The following POLR3H variants were observed in gnomAD, a reference collection of about 807,000 sequenced individuals.
POLR3H encodes the protein DNA-directed RNA polymerase III subunit RPC8.
In POLR3H, 17 loss-of-function variants were observed where a neutral mutation model predicts 25.5. That is an observed-to-expected ratio of 0.67 (90% CI 0.46 to 1.00). The LOEUF is 1.00. Among genes scored for constraint, POLR3H ranks in the 50% least tolerant of loss-of-function variants. POLR3H has a pLI of 0.00. For synonymous variants in POLR3H, 129 were observed against 103.0 expected, an observed-to-expected ratio of 1.25 and a Z score of -1.53; for missense variants, 274 against 265.0, an observed-to-expected ratio of 1.03 and a Z score of -0.24.
chr22:41,533,489 C>T, intron 2 of POLR3H: 15 of 1,198,630 alleles, frequency 1.3e-5, no homozygotes, highest in Non-Finnish European at 1.6e-5. Flanking sequence ...AGCCACATAG[C>T]CATGGGGAGA....
chr22:41,543,216 C>T (rs2066958786), intron 1 of POLR3H, among the ~76,000 whole-genome samples: 1 of 152,164 alleles, frequency 6.6e-6, no homozygotes, highest in South Asian at 2.1e-4. Flanking sequence ...GACCTCTCAG[C>T]TGGTACTAAG....
At chr22:41,533,555 T>A (rs1244888419) in intron 2 of POLR3H, 2 of 1,268,234 alleles carry the variant, frequency 1.6e-6, no homozygotes, top group East Asian at 1.1e-4. Flanking sequence ...CTTGCCTTCC[T>A]CAGACAGGTT....
In POLR3H at chr22:41,526,637, G is replaced by A; in HGVS notation, c.*2646C>T. The A allele has an allele frequency of 3.4e-6, 2 of 581,492 alleles. No homozygotes were observed. Among genetic ancestry groups the A allele is most frequent in the Non-Finnish European group, 5.8e-6 (2 of 345,166 alleles). 36.0% of individuals were successfully genotyped at this position (581,492 alleles called of 1,614,324 possible). On this transcript the variant is annotated 3_prime_UTR_variant, in exon 6 of 6. Coordinates refer to ENST00000355209, the MANE Select transcript of POLR3H (RefSeq NM_001018050.4). ...TGTGGCTGAGAAGGCATGAGGCCCA[G>A]GTCCGGTGGTACAGCCGGGTCCCTG...
chr22:41,543,567 G>A (rs1007575466), intron 1 of POLR3H, among the ~76,000 whole-genome samples: 7 of 152,146 alleles, frequency 4.6e-5, no homozygotes, highest in Non-Finnish European at 2.9e-5. Context: ...GTTGCAGTGA[G>A]CCGAGATCGC....
At position 41,528,943 on chromosome 22, in the gene POLR3H, G is replaced by C; in HGVS notation, c.*340C>G. 1 of 510,376 alleles carries C rather than the reference G, an allele frequency of 2.0e-6. No individual in the cohort carries two copies. The highest frequency in any genetic ancestry group is 2.8e-5 in the South Asian group (1 of 36,082). 31.6% of individuals were successfully genotyped at this position (510,376 alleles called of 1,614,324 possible). A position where few individuals can be genotyped will look rare whatever the true frequency, so the allele number is the denominator to read the frequency against. On this transcript the variant is annotated 3_prime_UTR_variant, in exon 6 of 6. Coordinates refer to ENST00000355209, the MANE Select transcript of POLR3H (RefSeq NM_001018050.4). Reference sequence around the variant, plus strand: ...GCTGAAGGATTCTAGAGAACCTTTTGTTCTTGCAAGGAAAACAAGAATCCA... The same window carrying C: ...GCTGAAGGATTCTAGAGAACCTTTTCTTCTTGCAAGGAAAACAAGAATCCA...
chr22:41,530,956 G>A (rs922704798), intron 4 of POLR3H, 68 bp from the exon 5 acceptor site: 20 of 1,484,200 alleles, frequency 1.3e-5, no homozygotes, highest in Admixed American at 1.7e-5. Flanking sequence ...CCCACTCCCC[G>A]ACCCCGCAGG....
chr22:41,527,191 CCCAGG>C lies in POLR3H; in HGVS notation c.*2087_*2091del. On this transcript the variant is annotated 3_prime_UTR_variant, in exon 6 of 6. Coordinates refer to ENST00000355209, the MANE Select transcript of POLR3H (RefSeq NM_001018050.4). ...CCCCTTTACCGGGAGCCTCAGGATG[CCCAGG>C]CGCCAGGTGGGTGAGGCCAGGCAGG... 6.3e-7 allele frequency: 1 copy of C among 1,584,376 alleles called. No homozygotes were observed. The highest frequency in any genetic ancestry group is 8.6e-7 in the Non-Finnish European group (1 of 1,160,022).
chr22:41,531,242 T>G (rs2066727240), intron 4 of POLR3H, among the ~76,000 whole-genome samples: 2 of 152,208 alleles, frequency 1.3e-5, no homozygotes, highest in Admixed American at 1.3e-4. Context: ...ACACACCCTT[T>G]TCATCAAAGC....
Position 41,544,142 on chromosome 22 carries a change from C to G in POLR3H, c.-41G>C, listed in dbSNP as rs780958301. Reference sequence around the variant, plus strand: ...GGGCTCTGGGAACAGGAGGGTCAGTCACGCACCAGGGCCGGGGGCAGGGAG... The same window carrying G: ...GGGCTCTGGGAACAGGAGGGTCAGTGACGCACCAGGGCCGGGGGCAGGGAG... On this transcript the variant is annotated 5_prime_UTR_variant, in exon 1 of 6. Transcript: ENST00000355209. 2.3e-6 allele frequency: 3 copies of G among 1,300,216 alleles called. No individual in the cohort carries two copies. The South Asian group carries it at 3.7e-5, about 16-fold the overall frequency. 80.5% of individuals were successfully genotyped at this position (1,300,216 alleles called of 1,614,324 possible). A position where few individuals can be genotyped will look rare whatever the true frequency, so the allele number is the denominator to read the frequency against.
rs371236141 is a variant in POLR3H, at chr22:41,532,122, G to C, written c.331C>G (p.Pro111Ala). The change falls in exon 4 of 6, where the codon CCA becomes GCA. Residue 111 changes from proline to alanine, a missense_variant. Coordinates refer to ENST00000355209, the MANE Select transcript of POLR3H (RefSeq NM_001018050.4). ...TTGGCTGGCTGCTGCAGTGACTCTG[G>C]GGGGATGAGAATGTCATCGAAGAAG... ...LGFFDDILIPPESLQQPAKFD... is the reference protein window; with the variant it reads ...LGFFDDILIPAESLQQPAKFD... 8.7e-6 allele frequency: 14 copies of C among 1,614,008 alleles called. No individual in the cohort carries two copies. Among genetic ancestry groups the C allele is most frequent in the Non-Finnish European group, 1.0e-5 (12 of 1,180,006 alleles).
intron 1 of POLR3H, among the ~76,000 whole-genome samples, chr22:41,541,728 C>T (rs750191627): frequency 2.0e-5 from 3 of 152,224 alleles, no homozygotes; most frequent in Non-Finnish European, 4.4e-5. Context: ...ACTTTCCACA[C>T]CTTCTCTCTC....
At chr22:41,531,801 C>T (rs203313) in intron 4 of POLR3H, among the ~76,000 whole-genome samples, 2,511 of 152,322 alleles carry the variant, frequency 0.016, 79 homozygotes, top group African/African-American at 0.056. Flanking sequence ...GTGAAGTGAA[C>T]CGGAAGTGAA....
At chr22:41,541,158 G>A (rs551570319) in intron 1 of POLR3H, among the ~76,000 whole-genome samples, 29 of 152,322 alleles carry the variant, frequency 1.9e-4, no homozygotes, top group African/African-American at 6.5e-4. Context: ...GAAGCCCCTA[G>A]CCTTGTACCT....
Position 41,530,888 on chromosome 22 carries a change from G to C in POLR3H, c.360C>G (p.Phe120Leu). The C allele has an allele frequency of 6.2e-7, 1 of 1,613,582 alleles. No individual in the cohort carries two copies. Among genetic ancestry groups the C allele is most frequent in the Non-Finnish European group, 8.5e-7 (1 of 1,179,978 alleles). The change falls in exon 5 of 6, where the codon TTC becomes TTG. Residue 120 changes from phenylalanine (F) to leucine (L), a missense_variant and splice_region_variant. Transcript: ENST00000355209. ...PPESLQQPAK[F>L]DEAEQVWVWE... is the part of the protein sequence containing the mutation. ...ACACCCACACCTGCTCCGCTTCGTC[G>C]CTGAGGGGGTCCAGGGTCAAGGCAG...
rs553740395 is a variant in POLR3H at position 41,527,092 on chromosome 22, C to T, written c.*2191G>A. The T allele has an allele frequency of 3.3e-5, 24 of 737,146 alleles. No individual in the cohort carries two copies. The highest frequency in any genetic ancestry group is 1.4e-4 in the African/African-American group (8 of 56,296). The allele number at this position is 737,146 out of a possible 1,614,324, so 45.7% of individuals were successfully genotyped here. A position where few individuals can be genotyped will look rare whatever the true frequency, so the allele number is the denominator to read the frequency against. ...AAACAACCACGTGCCTCTGTCCCCT[C>T]GGGGCCTCGTTTGGGTCTCATTCAC... On this transcript the variant is annotated 3_prime_UTR_variant, in exon 6 of 6. Coordinates refer to ENST00000355209, the MANE Select transcript of POLR3H (RefSeq NM_001018050.4).
chr22:41,538,138 T>C (rs1315121742), intron 2 of POLR3H, among the ~76,000 whole-genome samples: 2 of 149,812 alleles, frequency 1.3e-5, no homozygotes, highest in African/African-American at 2.5e-5. Context: ...AATAATTTTT[T>C]TTTTTTTTTT....
rs371183037 is a variant in POLR3H, at chr22:41,526,398, G to A, written c.*2885C>T. 9.9e-6 allele frequency: 16 copies of A among 1,613,712 alleles called. No individual in the cohort carries two copies. Among genetic ancestry groups the A allele is most frequent in the African/African-American group, 4.0e-5 (3 of 74,926 alleles). On this transcript the variant is annotated 3_prime_UTR_variant, in exon 6 of 6. Transcript: ENST00000355209. The stretch of plus-strand genomic sequence containing the variant: ...GAAAACGGCAAGGCCAACTCCGTGC[G>A]CAATGCCGTCACTCAGGAGTTTGGC...
intron 2 of POLR3H, chr22:41,539,503 G>C (rs542515779): frequency 6.6e-6 from 1 of 152,626 alleles, no homozygotes; most frequent in East Asian, 1.9e-4. Flanking sequence ...GGTGGTCCTG[G>C]CTCCTCTCAG....
In POLR3H at chr22:41,532,752, A is replaced by G. The variant is rs2066764807; in HGVS notation, c.209-7T>C. ...ACCACGCAGCGAAAATGGACTGGAA[A>G]TGAAGACAGCCCATCAGTGATGCTG... On this transcript the variant is annotated splice_region_variant and splice_polypyrimidine_tract_variant and intron_variant, in intron 2 of 5. Coordinates refer to ENST00000355209, the MANE Select transcript of POLR3H (RefSeq NM_001018050.4). 1 of 1,613,434 alleles carries G rather than the reference A, an allele frequency of 6.2e-7. No individual in the cohort carries two copies. The highest frequency in any genetic ancestry group is 8.5e-7 in the Non-Finnish European group (1 of 1,179,592).
Sources: allele counts gnomAD v4.1 joint callset (sites outside exome capture counted in the v4.1 genomes callset), GRCh38; gene constraint gnomAD v4.1.1; transcripts MANE v1.5; gene names NCBI Gene and HGNC (gene_info 2026-07-23, HGNC 2026-07-21).